The following C3orf33 variants were observed in gnomAD, a reference collection of about 807,000 sequenced individuals.
C3orf33 encodes the protein mitochondrial inner membrane subdomain organizer 1.
C3orf33 carries 23 observed loss-of-function variants against 28.7 expected under a neutral mutation model. The ratio of observed to expected loss-of-function variants is 0.80; its 90% CI spans 0.58 to 1.13. The LOEUF (loss-of-function observed/expected upper bound fraction) is 1.13. C3orf33 is among the 50% of genes most tolerant of loss of function. C3orf33 has a pLI of 0.00. For missense variants in C3orf33, 327 were observed against 353.4 expected (o/e 0.93, Z 0.60); for synonymous variants, 119 against 120.5 (o/e 0.99, Z 0.08).
intron 2 of C3orf33, among the ~76,000 whole-genome samples, chr3:155,800,365 A>G (rs1388583048): frequency 1.3e-5 from 2 of 152,100 alleles, no homozygotes; most frequent in African/African-American, 4.8e-5. Flanking sequence ...GCACTCTGGG[A>G]GGCTAAGATG....
chr3:155,776,759 C>CAAAAAAAA lies in C3orf33; in HGVS notation c.175-919_175-912dup, dbSNP rs10654812. ...TGACAGAGCGAGAACCTGACTCTGT[C>CAAAAAAAA]AAAAAAAAAAAAAAAAAAAAAAAAA... On this transcript the variant is annotated intron_variant, in intron 2 of 4. Coordinates refer to ENST00000340171, the MANE Select transcript of C3orf33 (RefSeq NM_001308229.2). Among the ~76,000 whole-genome samples the CAAAAAAAA allele has an allele frequency of 1.2e-3, 100 of 86,832 alleles. 1 individual carries two copies. Among genetic ancestry groups the CAAAAAAAA allele is most frequent in the South Asian group, 1.7e-3 (5 of 2,984 alleles). 57.0% of individuals were successfully genotyped at this position (86,832 alleles called of 152,430 possible).
intron 2 of C3orf33, among the ~76,000 whole-genome samples, chr3:155,798,922 A>AG (rs1266899580): frequency 1.3e-4 from 19 of 151,694 alleles, no homozygotes; most frequent in African/African-American, 4.4e-4. Flanking sequence ...GCAACTCTAC[A>AG]GGAAAAAAAA....
At chr3:155,781,806 G>A (rs1361092919) in intron 2 of C3orf33, among the ~76,000 whole-genome samples, 6 of 148,102 alleles carry the variant, frequency 4.1e-5, no homozygotes, top group African/African-American at 1.0e-4. Flanking sequence ...GGCCGGGTGC[G>A]GTGGCTCATG....
At chr3:155,782,407 T>C (rs1750955133) in intron 2 of C3orf33, among the ~76,000 whole-genome samples, 1 of 149,990 alleles carries the variant, frequency 6.7e-6, no homozygotes, top group Non-Finnish European at 1.5e-5. Flanking sequence ...TCCAAAAAGC[T>C]CAACAAACTC....
intron 2 of C3orf33, among the ~76,000 whole-genome samples, chr3:155,795,754 A>C (rs937212700): frequency 6.6e-6 from 1 of 151,280 alleles, no homozygotes; most frequent in Non-Finnish European, 1.5e-5. Flanking sequence ...TCAGGAATTC[A>C]AGACCAGCCT....
rs567430199 is a variant in C3orf33 at position 155,777,447 on chromosome 3, CTTT to C, written c.175-1602_175-1600del. 3.4e-5 allele frequency among the ~76,000 whole-genome samples: 5 copies of C among 145,246 alleles called. No homozygotes were observed. The East Asian group carries it at 1.0e-3, about 29-fold the overall frequency. ...TAAAGGACAAACTAACATTACAGATCTTTTTTTTTTTTAGACAGGGTCTCGCTC... is the reference window on the plus strand; with the variant it reads ...TAAAGGACAAACTAACATTACAGATCTTTTTTTTTAGACAGGGTCTCGCTC... On this transcript the variant is annotated intron_variant, in intron 2 of 4. Coordinates refer to ENST00000340171, the MANE Select transcript of C3orf33 (RefSeq NM_001308229.2).
At chr3:155,774,398 G>A (rs1244784318) in intron 3 of C3orf33, among the ~76,000 whole-genome samples, 1 of 152,146 alleles carries the variant, frequency 6.6e-6, no homozygotes, top group African/African-American at 2.4e-5. Context: ...AGATTCTGAA[G>A]AATCAATTGA....
intron 3 of C3orf33, among the ~76,000 whole-genome samples, chr3:155,772,576 CTT>C (rs371722784): frequency 5.5e-4 from 78 of 141,678 alleles, no homozygotes; most frequent in Admixed American, 5.7e-4. Context: ...GTGTCAAAAA[CTT>C]TTTTTTTTTT....
intron 2 of C3orf33, among the ~76,000 whole-genome samples, chr3:155,792,182 G>A (rs1751334610): frequency 6.6e-6 from 1 of 152,206 alleles, no homozygotes; most frequent in Non-Finnish European, 1.5e-5. Context: ...AAGAGTCTCT[G>A]CCTGGTAATC....
At chr3:155,793,244 A>G (rs1248288989) in intron 2 of C3orf33, among the ~76,000 whole-genome samples, 1 of 151,088 alleles carries the variant, frequency 6.6e-6, no homozygotes, top group African/African-American at 2.4e-5. Context: ...CTTTTGCACC[A>G]ACCTAACAAA....
intron 3 of C3orf33, among the ~76,000 whole-genome samples, chr3:155,771,506 G>A (rs1051815136): frequency 2.6e-5 from 4 of 151,934 alleles, no homozygotes; most frequent in Admixed American, 6.6e-5. Flanking sequence ...GGACTCAAGC[G>A]ATCCACCTGC....
chr3:155,772,779 T>TGTGC (rs1401025897), intron 3 of C3orf33, among the ~76,000 whole-genome samples: 3 of 108,978 alleles, frequency 2.8e-5, no homozygotes, highest in African/African-American at 1.0e-4. Flanking sequence ...GCTCTGTGTG[T>TGTGC]GTGTGTGTGT....
intron 2 of C3orf33, among the ~76,000 whole-genome samples, chr3:155,793,983 GTTTT>G (rs144118453): frequency 8.1e-6 from 1 of 124,132 alleles, no homozygotes; most frequent in South Asian, 2.4e-4. Flanking sequence ...GTGGTGTTTT[GTTTT>G]TTTGTTTTTT....
intron 2 of C3orf33, among the ~76,000 whole-genome samples, chr3:155,787,540 CG>C (rs1380705307): frequency 1.3e-5 from 2 of 151,500 alleles, no homozygotes; most frequent in Non-Finnish European, 2.9e-5. Flanking sequence ...TTAGTAGAGA[CG>C]GGGTTTCACT....
intron 2 of C3orf33, among the ~76,000 whole-genome samples, chr3:155,799,720 A>G (rs556191328): frequency 5.3e-4 from 81 of 152,290 alleles, no homozygotes; most frequent in African/African-American, 1.6e-3. Flanking sequence ...GTACATATAC[A>G]TGGTAGAATA....
intron 1 of C3orf33, among the ~76,000 whole-genome samples, chr3:155,802,828 T>C (rs1751689169): frequency 6.7e-6 from 1 of 150,290 alleles, no homozygotes; most frequent in Non-Finnish European, 1.5e-5. Flanking sequence ...CAGAGACATT[T>C]ATATATATAT....
intron 2 of C3orf33, among the ~76,000 whole-genome samples, chr3:155,790,312 A>G (rs992578118): frequency 4.6e-5 from 7 of 152,056 alleles, no homozygotes; most frequent in African/African-American, 1.7e-4. Context: ...TCAAGAGCTA[A>G]AACTATAAAA....
At chr3:155,783,157 A>ATT (rs544861385) in intron 2 of C3orf33, among the ~76,000 whole-genome samples, 2,798 of 142,430 alleles carry the variant, frequency 0.02, 82 homozygotes, top group African/African-American at 0.068. Context: ...CCCATTCTAC[A>ATT]TTTTTTTTTT....
chr3:155,791,234 C>A (rs1751305032), intron 2 of C3orf33, among the ~76,000 whole-genome samples: 1 of 152,136 alleles, frequency 6.6e-6, no homozygotes. Flanking sequence ...CAAAGCAACC[C>A]ACTACCTTGA....
Sources: allele counts gnomAD v4.1 joint callset (sites outside exome capture counted in the v4.1 genomes callset), GRCh38; gene constraint gnomAD v4.1.1; transcripts MANE v1.5; gene names NCBI Gene and HGNC (gene_info 2026-07-23, HGNC 2026-07-21).